The following NDFIP2 variants were observed in gnomAD, a reference collection of about 807,000 sequenced individuals.
The protein encoded by NDFIP2 is Nedd4 family interacting protein 2, also known as NEDD4 family-interacting protein 2.
Under a neutral mutation model 36.0 loss-of-function variants are expected in NDFIP2, and 19 were observed. The observed-to-expected ratio is 0.53, with a 90% CI of 0.37 to 0.77. The LOEUF is 0.77. Among genes scored for constraint, NDFIP2 ranks in the 30% least tolerant of loss-of-function variants. The pLI, the probability that NDFIP2 is intolerant of heterozygous loss-of-function variation, is 0.00. For missense variants in NDFIP2, 446 were observed against 435.8 expected, an observed-to-expected ratio of 1.02 and a Z score of -0.21; for synonymous variants, 181 against 167.7, an observed-to-expected ratio of 1.08 and a Z score of -0.61.
intron 1 of NDFIP2, among the ~76,000 whole-genome samples, chr13:79,497,914 A>G (rs554931152): frequency 2.6e-5 from 4 of 151,248 alleles, no homozygotes; most frequent in South Asian, 4.2e-4. Flanking sequence ...CCAAATGTCA[A>G]TGTCTGCAAT....
At chr13:79,515,240 TTA>T (rs1415548342) in intron 1 of NDFIP2, among the ~76,000 whole-genome samples, 1 of 152,238 alleles carries the variant, frequency 6.6e-6, no homozygotes, top group African/African-American at 2.4e-5. Flanking sequence ...GGCCACTATC[TTA>T]TATGTGTCCC....
At position 79,501,879 on chromosome 13, in the gene NDFIP2, G is replaced by A. The variant is rs150632991; in HGVS notation, c.322-18931G>A. On this transcript the variant is annotated intron_variant, in intron 1 of 7. Transcript: ENST00000218652. ...GGTGTTTCAGGCCTGGTCGTTACTGGTTTCAGCTCTTTGGTTTGCCTATGA... is the reference window on the plus strand; with the variant it reads ...GGTGTTTCAGGCCTGGTCGTTACTGATTTCAGCTCTTTGGTTTGCCTATGA... Among the ~76,000 whole-genome samples the A allele has an allele frequency of 8.1e-4, 124 of 152,198 alleles. 1 individual carries two copies. The highest frequency in any genetic ancestry group is 3.7e-3 in the South Asian group (18 of 4,822).
intron 1 of NDFIP2, among the ~76,000 whole-genome samples, chr13:79,515,099 A>G (rs1309947945): frequency 1.3e-5 from 2 of 152,234 alleles, no homozygotes; most frequent in Non-Finnish European, 2.9e-5. Flanking sequence ...GCCGTATGGT[A>G]TAGCCTACTG....
At chr13:79,492,295 A>G (rs945376928) in intron 1 of NDFIP2, among the ~76,000 whole-genome samples, 5 of 148,598 alleles carry the variant, frequency 3.4e-5, no homozygotes, top group African/African-American at 1.2e-4. Flanking sequence ...GTTCAAAGTG[A>G]CAGCTTTTGT....
chr13:79,540,373 T>C (rs963142602), intron 4 of NDFIP2, among the ~76,000 whole-genome samples: 1 of 152,208 alleles, frequency 6.6e-6, no homozygotes, highest in Non-Finnish European at 1.5e-5. Flanking sequence ...GTCAAAGTCT[T>C]CATTATTTCA....
chr13:79,509,432 A>G (rs979756278), intron 1 of NDFIP2, among the ~76,000 whole-genome samples: 1 of 152,184 alleles, frequency 6.6e-6, no homozygotes, highest in Non-Finnish European at 1.5e-5. Context: ...GATCATTCAG[A>G]TGAAGCCACC....
intron 1 of NDFIP2, among the ~76,000 whole-genome samples, chr13:79,503,683 T>C (rs562489025): frequency 6.6e-6 from 1 of 152,242 alleles, no homozygotes; most frequent in East Asian, 1.9e-4. Context: ...ATCATTACTT[T>C]TTGTTTTGTG....
chr13:79,531,434 A>G (rs1195773807), intron 2 of NDFIP2, among the ~76,000 whole-genome samples: 12 of 152,208 alleles, frequency 7.9e-5, no homozygotes, highest in Admixed American at 7.9e-4. Flanking sequence ...CTTTGAAACC[A>G]GGAATTGACT....
At chr13:79,483,440 A>C (rs531465496) in intron 1 of NDFIP2, among the ~76,000 whole-genome samples, 1 of 152,146 alleles carries the variant, frequency 6.6e-6, no homozygotes, top group Non-Finnish European at 1.5e-5. Flanking sequence ...TAAACTAGGG[A>C]TCAGTCTTCA....
At chr13:79,490,643 G>GCAAAAA (rs1156638120) in intron 1 of NDFIP2, among the ~76,000 whole-genome samples, 134 of 152,312 alleles carry the variant, frequency 8.8e-4, no homozygotes, top group Middle Eastern at 3.4e-3. Context: ...AAAACAGTGT[G>GCAAAAA]CTGGATTTGG....
In NDFIP2 at chr13:79,555,765, A is replaced by G. The variant is rs1677069232; in HGVS notation, c.*3252A>G. 6.6e-6 allele frequency: 1 copy of G among 152,158 alleles called. No individual in the cohort carries two copies. The allele number at this position is 152,158 out of a possible 1,614,324, so 9.4% of individuals were successfully genotyped here. A position where few individuals can be genotyped will look rare whatever the true frequency, so the allele number is the denominator to read the frequency against. On this transcript the variant is annotated 3_prime_UTR_variant, in exon 8 of 8. Transcript: ENST00000218652. ...ATTGTTAGATGATAATGTGCCATTC[A>G]TTATCATAGGAATGTCCTTGCCCAT...
chr13:79,489,924 A>G (rs1386379611), intron 1 of NDFIP2, among the ~76,000 whole-genome samples: 2 of 152,244 alleles, frequency 1.3e-5, no homozygotes, highest in Non-Finnish European at 2.9e-5. Flanking sequence ...CTAATGCCGA[A>G]TGAAAATGTG....
intron 1 of NDFIP2, among the ~76,000 whole-genome samples, chr13:79,491,344 C>T (rs1873218886): frequency 6.6e-6 from 1 of 152,110 alleles, no homozygotes; most frequent in South Asian, 2.1e-4. Flanking sequence ...GACCTGGGCT[C>T]TTTAAGGTGG....
At chr13:79,505,454 A>G (rs1261832173) in intron 1 of NDFIP2, among the ~76,000 whole-genome samples, 1 of 152,082 alleles carries the variant, frequency 6.6e-6, no homozygotes, top group African/African-American at 2.4e-5. Context: ...ACATAGCAAG[A>G]CTTCAGCTCT....
chr13:79,531,294 T>C (rs2137098641), intron 2 of NDFIP2, among the ~76,000 whole-genome samples: 1 of 152,350 alleles, frequency 6.6e-6, no homozygotes, highest in East Asian at 1.9e-4. Context: ...GTTCCATTTA[T>C]GGAGCAGAGT....
At chr13:79,541,197 A>G (rs115193039) in intron 4 of NDFIP2, among the ~76,000 whole-genome samples, 3,261 of 152,016 alleles carry the variant, frequency 0.021, 124 homozygotes, top group African/African-American at 0.074. Context: ...GTTCTGGGGA[A>G]TAAAAACATG....
chr13:79,499,480 T>C (rs1054880400), intron 1 of NDFIP2, among the ~76,000 whole-genome samples: 3 of 151,142 alleles, frequency 2.0e-5, no homozygotes, highest in African/African-American at 7.4e-5. Context: ...TCTGAAAGAA[T>C]TGACAAACCA....
intron 1 of NDFIP2, among the ~76,000 whole-genome samples, chr13:79,519,844 A>G (rs1345983401): frequency 6.6e-6 from 1 of 152,200 alleles, no homozygotes; most frequent in Admixed American, 6.5e-5. Context: ...GACAATGTCA[A>G]GGCTGGAGTG....
chr13:79,547,976 A>T (rs1160724220), intron 5 of NDFIP2, among the ~76,000 whole-genome samples: 1 of 151,930 alleles, frequency 6.6e-6, no homozygotes, highest in Non-Finnish European at 1.5e-5. Flanking sequence ...TGTGTTTGGG[A>T]TGGTAGTTGT....
Sources: gnomAD v4.1 joint callset for allele counts (sites outside exome capture counted in the v4.1 genomes callset) on GRCh38, gnomAD v4.1.1 for gene constraint, MANE v1.5 for transcripts, NCBI Gene and HGNC (gene_info 2026-07-23, HGNC 2026-07-21) for gene names.